The following AGO2 variants were observed in gnomAD, a reference collection of about 807,000 sequenced individuals.
AGO2 encodes the protein protein argonaute-2.
AGO2 carries 5 observed loss-of-function variants against 102.3 expected under a neutral mutation model. That is an observed-to-expected ratio of 0.05 (90% CI 0.03 to 0.10). AGO2 has a LOEUF of 0.10. AGO2 is among the 10% of genes least tolerant of loss of function. The pLI, the probability that AGO2 is intolerant of heterozygous loss-of-function variation, is 1.00. For synonymous variants in AGO2, 449 were observed against 473.1 expected, an observed-to-expected ratio of 0.95 and a Z score of 0.66; for missense variants, 541 against 1,183.7, an observed-to-expected ratio of 0.46 and a Z score of 7.97.
At chr8:140,608,913 T>C (rs1205055848) in intron 1 of AGO2, among the ~76,000 whole-genome samples, 2 of 152,190 alleles carry the variant, frequency 1.3e-5, no homozygotes, top group Non-Finnish European at 2.9e-5. Flanking sequence ...TAGGGGCCCA[T>C]GGTGAGGTCC....
At chr8:140,640,526 C>CT (rs368379500), upstream of AGO2, among the ~76,000 whole-genome samples, 840 of 148,422 alleles carry the variant, frequency 5.7e-3, 8 homozygotes, top group African/African-American at 0.018. Context: ...GCTGGTGTTT[C>CT]TTTTTTTTTT....
intron 1 of AGO2, 76 bp from the exon 2 acceptor site, chr8:140,585,387 G>C: frequency 6.7e-7 from 1 of 1,494,354 alleles, no homozygotes; most frequent in Non-Finnish European, 9.1e-7. Flanking sequence ...GCGGCCCCAA[G>C]CCACTATATG....
intron 1 of AGO2, among the ~76,000 whole-genome samples, chr8:140,597,947 C>G (rs1251176605): frequency 6.6e-6 from 1 of 152,254 alleles, no homozygotes; most frequent in African/African-American, 2.4e-5. Flanking sequence ...AGGGGCCTCA[C>G]AGTAGATGCC....
chr8:140,605,642 C>T (rs137879550), intron 1 of AGO2, among the ~76,000 whole-genome samples: 1 of 152,330 alleles, frequency 6.6e-6, no homozygotes, highest in Non-Finnish European at 1.5e-5. Context: ...TGCTGGGACC[C>T]AGCTGATGAA....
chr8:140,634,986 C>T (rs2074387250), intron 1 of AGO2, among the ~76,000 whole-genome samples: 1 of 151,676 alleles, frequency 6.6e-6, no homozygotes, highest in African/African-American at 2.4e-5. Flanking sequence ...CGCCCGTGCG[C>T]GCCCCGAGCC....
At chr8:140,586,561 G>T (rs1428416261) in intron 1 of AGO2, among the ~76,000 whole-genome samples, 1 of 152,186 alleles carries the variant, frequency 6.6e-6, no homozygotes, top group Non-Finnish European at 1.5e-5. Context: ...ACAGTTTCCA[G>T]GTGTCAGTCA....
intron 1 of AGO2, among the ~76,000 whole-genome samples, chr8:140,619,389 A>C (rs2074184948): frequency 6.6e-6 from 1 of 152,226 alleles, no homozygotes; most frequent in South Asian, 2.1e-4. Flanking sequence ...AGACGCAACG[A>C]CACAAGAGAA....
At chr8:140,579,379 T>C (rs2073516014) in intron 2 of AGO2, among the ~76,000 whole-genome samples, 2 of 152,212 alleles carry the variant, frequency 1.3e-5, no homozygotes, top group South Asian at 2.1e-4. Context: ...TTTATACACA[T>C]GGTATCAAAC....
At chr8:140,550,906 T>G (rs2072982789) in intron 11 of AGO2, among the ~76,000 whole-genome samples, 1 of 152,270 alleles carries the variant, frequency 6.6e-6, no homozygotes, top group African/African-American at 2.4e-5. Context: ...CATCTCTTCC[T>G]GATTCTGTCT....
At position 140,564,269 on chromosome 8, in the gene AGO2, A is replaced by T. The variant is rs185556740; in HGVS notation, c.337-1635T>A. On this transcript the variant is annotated intron_variant, in intron 3 of 18. Coordinates refer to ENST00000220592, the MANE Select transcript of AGO2 (RefSeq NM_012154.5). ...ACAGAGGAAAGGGCCAGCTTCACTCAACTCATCAGGACAGCGGAGGGGGTG... is the reference window on the plus strand; with the variant it reads ...ACAGAGGAAAGGGCCAGCTTCACTCTACTCATCAGGACAGCGGAGGGGGTG... Among the ~76,000 whole-genome samples the T allele has an allele frequency of 2.2e-3, 326 of 151,568 alleles. 3 individuals carry two copies. The highest frequency in any genetic ancestry group is 0.018 in the Admixed American group (274 of 15,232).
intron 4 of AGO2, among the ~76,000 whole-genome samples, chr8:140,561,253 G>A (rs1024351578): frequency 6.6e-6 from 1 of 152,242 alleles, no homozygotes; most frequent in East Asian, 1.9e-4. Flanking sequence ...ATTCTGAAGG[G>A]AAAACACGCT....
At chr8:140,618,664 C>CA (rs1239392515) in intron 1 of AGO2, among the ~76,000 whole-genome samples, 2 of 151,850 alleles carry the variant, frequency 1.3e-5, no homozygotes, top group African/African-American at 4.8e-5. Flanking sequence ...CCCGTCTCTA[C>CA]AAAAAACACA....
intron 14 of AGO2, 101 bp downstream of exon 14, chr8:140,544,112 T>C: frequency 7.7e-7 from 1 of 1,300,426 alleles, no homozygotes; most frequent in East Asian, 2.7e-5. Flanking sequence ...TGAGACCCCA[T>C]GCCTTTCAGG....
rs114615392 is a variant in AGO2 at position 140,567,560 on chromosome 8, A to G, written c.337-4926T>C. ...GGTGGCCCCGCCCACCTCACAGGGC[A>G]CTGGTGCCAATTGTGTTGCAGCGCT... is the stretch of plus-strand genomic sequence containing the variant. On this transcript the variant is annotated intron_variant, in intron 3 of 18. Coordinates refer to ENST00000220592, the MANE Select transcript of AGO2 (RefSeq NM_012154.5). The surrounding 1 kb of genome is among the most constrained non-coding windows in gnomAD (Gnocchi z 5.0). 3.3e-3 allele frequency among the ~76,000 whole-genome samples: 500 copies of G among 152,326 alleles called. 3 individuals carry two copies. Among genetic ancestry groups the G allele is most frequent in the African/African-American group, 0.011 (460 of 41,584 alleles).
intron 1 of AGO2, among the ~76,000 whole-genome samples, chr8:140,628,385 ACGTGTGTGTGTG>A (rs1382049643): frequency 6.6e-6 from 1 of 152,170 alleles, no homozygotes; most frequent in Non-Finnish European, 1.5e-5. Context: ...AGCTGCAGGC[ACGTGTGTGTGTG>A]CGTGTGTGTG....
chr8:140,570,911 C>T (rs1318088029), intron 3 of AGO2, among the ~76,000 whole-genome samples: 2 of 152,174 alleles, frequency 1.3e-5, no homozygotes, highest in Admixed American at 6.5e-5. Context: ...AGAAAAACTA[C>T]CCTGATGCCC....
Position 140,531,436 on chromosome 8 carries a change from T to G in AGO2, c.*608A>C, listed in dbSNP as rs1404778808. On this transcript the variant is annotated 3_prime_UTR_variant, in exon 19 of 19. Transcript: ENST00000220592. ...CACGGGGCCCACCTTCTGCCACTGC[T>G]CCTTAGTTCAGGCCGGGTGAAGGGC... 3 of 152,714 alleles carry G rather than the reference T, an allele frequency of 2.0e-5. No individual in the cohort carries two copies. The highest frequency in any genetic ancestry group is 4.4e-5 in the Non-Finnish European group (3 of 68,152). The allele number at this position is 152,714 out of a possible 1,614,324, so 9.5% of individuals were successfully genotyped here.
intron 2 of AGO2, among the ~76,000 whole-genome samples, chr8:140,584,261 G>T (rs2073611136): frequency 6.6e-6 from 1 of 151,866 alleles, no homozygotes; most frequent in Non-Finnish European, 1.5e-5. Context: ...AGGTACCAGA[G>T]AAATGAAAAT....
chr8:140,520,432 A>G lies in AGO2; in HGVS notation c.*11612T>C, dbSNP rs1005221568. The G allele has an allele frequency of 1.3e-5, 2 of 152,238 alleles. No homozygotes were observed. Among genetic ancestry groups the G allele is most frequent in the Admixed American group, 1.3e-4 (2 of 15,288 alleles). 9.4% of individuals were successfully genotyped at this position (152,238 alleles called of 1,614,324 possible). ...ATAGTGCAAACTACTTCACCTAGTAAGCTGTAAAAACAAACTAGAAAGGAC... is the reference window on the plus strand; with the variant it reads ...ATAGTGCAAACTACTTCACCTAGTAGGCTGTAAAAACAAACTAGAAAGGAC... On this transcript the variant is annotated 3_prime_UTR_variant, in exon 19 of 19. Coordinates refer to ENST00000220592, the MANE Select transcript of AGO2 (RefSeq NM_012154.5).
Sources: allele counts gnomAD v4.1 joint callset (sites outside exome capture counted in the v4.1 genomes callset), GRCh38; gene constraint gnomAD v4.1.1; non-coding constraint Gnocchi (gnomAD v3.1); transcripts MANE v1.5; gene names NCBI Gene and HGNC (gene_info 2026-07-23, HGNC 2026-07-21).